MTHFD1L: variants seen among roughly 807,000 people sequenced by gnomAD.
MTHFD1L encodes methylenetetrahydrofolate dehydrogenase (NADP+ dependent) 1 like.
Under a neutral mutation model 119.5 loss-of-function variants are expected in MTHFD1L, and 81 were observed. That is an observed-to-expected ratio of 0.68 (90% CI 0.57 to 0.82). The LOEUF is 0.82. Ranked by LOEUF, MTHFD1L falls within the 40% of genes least tolerant of loss-of-function variation. The pLI is 0.00. For missense variants in MTHFD1L, 1,125 were observed against 1,253.4 expected (o/e 0.90, Z 1.55); for synonymous variants, 430 against 475.2 (o/e 0.90, Z 1.24).
intron 26 of MTHFD1L, among the ~76,000 whole-genome samples, chr6:151,084,004 G>A (rs1332497751): frequency 1.3e-5 from 2 of 152,120 alleles, no homozygotes; most frequent in African/African-American, 4.8e-5. Context: ...CTGGAGTATG[G>A]TCAGAACTTA....
intron 24 of MTHFD1L, among the ~76,000 whole-genome samples, chr6:151,024,206 G>A (rs1349444658): frequency 3.9e-5 from 6 of 152,050 alleles, no homozygotes; most frequent in Admixed American, 1.3e-4. Context: ...ATGTTCCTAA[G>A]TCAGATTTGT....
rs986011375 is a variant in MTHFD1L at position 150,908,629 on chromosome 6, C to CA, written c.892+2877dup. The stretch of plus-strand genomic sequence containing the variant: ...ATGACAAGAGCTTTTTTTTTTTTCT[C>CA]AAAAAAAAAGAAAAGAAAAAAAAAT... On this transcript the variant is annotated intron_variant, in intron 8 of 27. Transcript: ENST00000367321. Among the ~76,000 whole-genome samples the CA allele has an allele frequency of 1.5e-4, 20 of 135,282 alleles. No individual in the cohort carries two copies. In the East Asian group the frequency reaches 2.4e-3, roughly 16 times the overall value. 88.8% of individuals were successfully genotyped at this position (135,282 alleles called of 152,430 possible). A position where few individuals can be genotyped will look rare whatever the true frequency, so the allele number is the denominator to read the frequency against.
intron 24 of MTHFD1L, among the ~76,000 whole-genome samples, chr6:151,030,703 C>T (rs907522393): frequency 5.9e-5 from 9 of 152,306 alleles, no homozygotes; most frequent in African/African-American, 2.2e-4. Flanking sequence ...TATTGAACCA[C>T]AGGGAACCCA....
rs1158007442 is a variant in MTHFD1L at position 151,026,820 on chromosome 6, C to CTTTTTTTTTTT, written c.2587-7656_2587-7646dup. Among the ~76,000 whole-genome samples, 13 of 51,284 alleles carry CTTTTTTTTTTT rather than the reference C, an allele frequency of 2.5e-4. 5 individuals are homozygous for CTTTTTTTTTTT. Among genetic ancestry groups the CTTTTTTTTTTT allele is most frequent in the East Asian group, 8.2e-4 (1 of 1,216 alleles). The allele number at this position is 51,284 out of a possible 152,430, so 33.6% of individuals were successfully genotyped here. A position where few individuals can be genotyped will look rare whatever the true frequency, so the allele number is the denominator to read the frequency against. On this transcript the variant is annotated intron_variant, in intron 24 of 27. Transcript: ENST00000367321. ...TGAGATTTTTCCTGTCCTTTCTATC[C>CTTTTTTTTTTT]TTTTTTTTTTTTTTTTTTTTTTTTT...
intron 7 of MTHFD1L, chr6:150,898,837 AT>A: frequency 2.7e-6 from 1 of 372,338 alleles, no homozygotes; most frequent in Non-Finnish European, 5.0e-6. Flanking sequence ...GATTATTATT[AT>A]TATTATTATT....
chr6:151,041,104 C>T (rs528195150), intron 26 of MTHFD1L, among the ~76,000 whole-genome samples: 7 of 152,294 alleles, frequency 4.6e-5, no homozygotes, highest in East Asian at 3.9e-4. Flanking sequence ...CTGGAACAGT[C>T]GGGTGTGGGG....
chr6:151,085,361 A>C (rs2099510349), intron 26 of MTHFD1L, among the ~76,000 whole-genome samples: 1 of 152,238 alleles, frequency 6.6e-6, no homozygotes, highest in Non-Finnish European at 1.5e-5. Flanking sequence ...GTACTGTCAC[A>C]ATATGCAAAC....
In MTHFD1L at chr6:150,926,118, T is replaced by C. The variant is rs778761879; in HGVS notation, c.1083-4T>C. Reference sequence around the variant, plus strand: ...TCTCTCTTTCGTATTGTCTTTCCCCTCAGTGACATTGAGATTTCAAGAGGA... The same window carrying C: ...TCTCTCTTTCGTATTGTCTTTCCCCCCAGTGACATTGAGATTTCAAGAGGA... On this transcript the variant is annotated splice_region_variant and splice_polypyrimidine_tract_variant and intron_variant, in intron 10 of 27. Coordinates refer to ENST00000367321, the MANE Select transcript of MTHFD1L (RefSeq NM_015440.5). The surrounding 1 kb of genome is among the most constrained non-coding windows in gnomAD (Gnocchi z 4.3). 4 of 1,612,108 alleles carry C rather than the reference T, an allele frequency of 2.5e-6. No homozygotes were observed. The East Asian group carries it at 8.9e-5, about 36-fold the overall frequency.
At chr6:150,941,634 G>A (rs1221612570) in intron 13 of MTHFD1L, among the ~76,000 whole-genome samples, 3 of 152,178 alleles carry the variant, frequency 2.0e-5, no homozygotes, top group Non-Finnish European at 4.4e-5. Context: ...TTAGATGTTG[G>A]GGGTTAGAAA....
chr6:151,044,985 A>G (rs897895985), intron 26 of MTHFD1L, among the ~76,000 whole-genome samples: 1 of 151,852 alleles, frequency 6.6e-6, no homozygotes, highest in African/African-American at 2.4e-5. Context: ...CCCTCCCTCT[A>G]CTGTAAAAGT....
At chr6:150,896,849 C>T (rs1784312762) in intron 7 of MTHFD1L, among the ~76,000 whole-genome samples, 1 of 152,038 alleles carries the variant, frequency 6.6e-6, no homozygotes, top group Non-Finnish European at 1.5e-5. Flanking sequence ...TGGCTCACAC[C>T]TGTAACCCCA....
intron 26 of MTHFD1L, among the ~76,000 whole-genome samples, chr6:151,046,694 A>T (rs1022366586): frequency 3.9e-5 from 6 of 151,970 alleles, no homozygotes; most frequent in Admixed American, 2.6e-4. Context: ...TCTTAGTTAC[A>T]CTTTTCTCTT....
rs537397768 is a variant in MTHFD1L, at chr6:151,099,656, G to A, written c.*32-1870G>A. ...TGGAAACCCAGAGGCATTGACAACA[G>A]GGTTCGTAGAAGATTCAGGGTCCAG... On this transcript the variant is annotated intron_variant, in intron 27 of 27. Coordinates refer to ENST00000367321, the MANE Select transcript of MTHFD1L (RefSeq NM_015440.5). 3.2e-5 allele frequency: 51 copies of A among 1,605,858 alleles called. 1 individual carries two copies. The South Asian group carries it at 5.3e-4, about 17-fold the overall frequency.
rs555257888 is a variant in MTHFD1L, at chr6:151,030,270, G to C, written c.2587-4223G>C. Among the ~76,000 whole-genome samples the C allele has an allele frequency of 4.8e-4, 73 of 152,294 alleles. No homozygotes were observed. In the South Asian group the frequency reaches 0.014, roughly 29 times the overall value. On this transcript the variant is annotated intron_variant, in intron 24 of 27. Coordinates refer to ENST00000367321, the MANE Select transcript of MTHFD1L (RefSeq NM_015440.5). ...CCCTTCTACCTCACACAGCCACCAA[G>C]CTCCTTTGTGCAGAGCCCATGGAGG... is the stretch of plus-strand genomic sequence containing the variant.
chr6:150,895,228 T>A (rs1784026045), intron 7 of MTHFD1L, among the ~76,000 whole-genome samples: 1 of 152,196 alleles, frequency 6.6e-6, no homozygotes, highest in African/African-American at 2.4e-5. Context: ...CTGACCCCGA[T>A]GATTTCACTC....
At chr6:151,081,922 C>T (rs750471122) in intron 26 of MTHFD1L, among the ~76,000 whole-genome samples, 120 of 152,248 alleles carry the variant, frequency 7.9e-4, no homozygotes, top group Admixed American at 4.2e-3. Context: ...TTCCTTCCTG[C>T]TTCCTCCTCT....
chr6:151,046,485 A>G lies in MTHFD1L; in HGVS notation c.2847+9368A>G, dbSNP rs1164050566. Among the ~76,000 whole-genome samples the G allele has an allele frequency of 1.8e-3, 173 of 95,408 alleles. 4 individuals are homozygous for G. Among genetic ancestry groups the G allele is most frequent in the East Asian group, 0.011 (39 of 3,570 alleles). The allele number at this position is 95,408 out of a possible 152,430, so 62.6% of individuals were successfully genotyped here. ...TATGTGTGTGTGTATATATATATAT[A>G]TATATATATATATATATATATATAT... On this transcript the variant is annotated intron_variant, in intron 26 of 27. Transcript: ENST00000367321.
At chr6:150,967,370 C>G (rs1255582627) in intron 19 of MTHFD1L, among the ~76,000 whole-genome samples, 1 of 152,158 alleles carries the variant, frequency 6.6e-6, no homozygotes, top group Admixed American at 6.5e-5. Flanking sequence ...GCTCGCTGCT[C>G]CTCCTCCGCT....
intron 20 of MTHFD1L, among the ~76,000 whole-genome samples, chr6:151,005,889 A>G (rs1214133776): frequency 1.3e-5 from 2 of 152,166 alleles, no homozygotes; most frequent in African/African-American, 2.4e-5. Context: ...CAGTAAAACC[A>G]TTGTAGTATT....
Sources: allele counts gnomAD v4.1 joint callset (sites outside exome capture counted in the v4.1 genomes callset), GRCh38; gene constraint gnomAD v4.1.1; non-coding constraint Gnocchi (gnomAD v3.1); transcripts MANE v1.5; gene names NCBI Gene and HGNC (gene_info 2026-07-23, HGNC 2026-07-21).